NUCKS1: variants seen among roughly 807,000 people sequenced by gnomAD.
NUCKS1 encodes nuclear ubiquitous casein and cyclin-dependent kinase substrate 1.
In NUCKS1, 2 loss-of-function variants were observed where a neutral mutation model predicts 33.0. That is an observed-to-expected ratio of 0.06 (90% CI 0.02 to 0.19). The LOEUF is 0.19. Ranked by LOEUF, NUCKS1 falls within the 10% of genes least tolerant of loss-of-function variation. NUCKS1 has a pLI of 1.00. For missense variants in NUCKS1, 201 were observed against 293.6 expected (o/e 0.68, Z 2.31); for synonymous variants, 106 against 102.8 (o/e 1.03, Z -0.19).
At chr1:205,743,363 G>A (rs549616846) in intron 1 of NUCKS1, among the ~76,000 whole-genome samples, 94 of 152,302 alleles carry the variant, frequency 6.2e-4, no homozygotes, top group Non-Finnish European at 3.7e-4. Flanking sequence ...AAACCCAGAA[G>A]AGGCTGAAAT....
rs752476044 is a variant in NUCKS1, at chr1:205,717,496, CT to C, written c.*783del. 0.29 allele frequency: 235,797 copies of C among 821,114 alleles called. 30 individuals carry two copies. The highest frequency in any genetic ancestry group is 0.31 in the Non-Finnish European group (212,366 of 691,060). 50.9% of individuals were successfully genotyped at this position (821,114 alleles called of 1,614,324 possible). On this transcript the variant is annotated 3_prime_UTR_variant, in exon 7 of 7. Coordinates refer to ENST00000367142, the MANE Select transcript of NUCKS1 (RefSeq NM_022731.5). ...AAATCAAGAGTTTTGGCAGCCCCTGCTTTTTTTTTTTTTTTAGCTCCCTAAA... is the reference window on the plus strand; with the variant it reads ...AAATCAAGAGTTTTGGCAGCCCCTGCTTTTTTTTTTTTTTAGCTCCCTAAA...
chr1:205,746,970 C>T (rs1306418457), intron 1 of NUCKS1, among the ~76,000 whole-genome samples: 1 of 152,200 alleles, frequency 6.6e-6, no homozygotes, highest in Non-Finnish European at 1.5e-5. Context: ...TTCAAGAAAT[C>T]TGGTTTCTAG....
chr1:205,721,107 T>C (rs59957335), intron 4 of NUCKS1, among the ~76,000 whole-genome samples: 2,506 of 71,084 alleles, frequency 0.035, 55 homozygotes, highest in African/African-American at 0.089. Context: ...CTGGGGCCTG[T>C]GGCGAGGGAG....
chr1:205,731,460 A>C (rs955813105), intron 1 of NUCKS1: 6 of 152,202 alleles, frequency 3.9e-5, no homozygotes, highest in Non-Finnish European at 2.9e-5. Flanking sequence ...TCTAAATCTA[A>C]AAGTTTAATA....
intron 1 of NUCKS1, among the ~76,000 whole-genome samples, chr1:205,738,440 ATT>A (rs34617208): frequency 1.6e-4 from 22 of 140,734 alleles, no homozygotes; most frequent in Non-Finnish European, 9.2e-5. Context: ...TGCCCAGCTA[ATT>A]TTTTTTTTTT....
intron 1 of NUCKS1, among the ~76,000 whole-genome samples, chr1:205,732,312 A>G (rs189523965): frequency 6.6e-6 from 1 of 152,218 alleles, no homozygotes; most frequent in African/African-American, 2.4e-5. Context: ...TTCCATGTAC[A>G]TGAGGGACCT....
At chr1:205,726,973 T>G (rs551753086) in intron 3 of NUCKS1, among the ~76,000 whole-genome samples, 4 of 152,246 alleles carry the variant, frequency 2.6e-5, no homozygotes, top group East Asian at 3.9e-4. Flanking sequence ...TGTTGTTGTT[T>G]TTTTTTCCCA....
chr1:205,720,625 A>G lies in NUCKS1; in HGVS notation c.258T>C (p.His86=). ...AEDSEDEKED[H]KNVRQQRQAA... ...CCTGCCGTTGTTGGCGCACATTTTT[A>G]TGATCTTCTTTTTCATCTTCACTAT... The change falls in exon 5 of 7, where the codon CAT becomes CAC. Residue 86 remains histidine (H), a synonymous_variant. Coordinates refer to ENST00000367142, the MANE Select transcript of NUCKS1 (RefSeq NM_022731.5). The G allele has an allele frequency of 2.5e-6, 4 of 1,613,896 alleles. No individual in the cohort carries two copies. The highest frequency in any genetic ancestry group is 1.1e-5 in the South Asian group (1 of 91,048).
At position 205,712,864 on chromosome 1, in the gene NUCKS1, C is replaced by T. The variant is rs1004698964; in HGVS notation, c.*5416G>A. ...TCTTTTATTATATATGATTGTTAAA[C>T]TTTGCTTTCCACAACACTTCATAAC... is the stretch of plus-strand genomic sequence containing the variant. On this transcript the variant is annotated 3_prime_UTR_variant, in exon 7 of 7. Coordinates refer to ENST00000367142, the MANE Select transcript of NUCKS1 (RefSeq NM_022731.5). The T allele has an allele frequency of 6.6e-6, 1 of 152,132 alleles. No homozygotes were observed. Among genetic ancestry groups the T allele is most frequent in the African/African-American group, 2.4e-5 (1 of 41,438 alleles). 9.4% of individuals were successfully genotyped at this position (152,132 alleles called of 1,614,324 possible). A position where few individuals can be genotyped will look rare whatever the true frequency, so the allele number is the denominator to read the frequency against.
intron 1 of NUCKS1, among the ~76,000 whole-genome samples, chr1:205,739,147 C>G (rs1654104787): frequency 1.3e-5 from 2 of 152,194 alleles, no homozygotes; most frequent in East Asian, 1.9e-4. Context: ...AAACTATGCT[C>G]AAAAGGCCAA....
rs1671841263 is a variant in NUCKS1 at position 205,717,381 on chromosome 1, G to A, written c.*899C>T. On this transcript the variant is annotated 3_prime_UTR_variant, in exon 7 of 7. Coordinates refer to ENST00000367142, the MANE Select transcript of NUCKS1 (RefSeq NM_022731.5). Reference sequence around the variant, plus strand: ...CTGTGACCTGTAGACTGATCTTGTTGATTAAATTCTAGGGTTTTTTTTTTT... The same window carrying A: ...CTGTGACCTGTAGACTGATCTTGTTAATTAAATTCTAGGGTTTTTTTTTTT... 3.1e-6 allele frequency: 3 copies of A among 975,664 alleles called. No individual in the cohort carries two copies. Among genetic ancestry groups the A allele is most frequent in the Non-Finnish European group, 3.6e-6 (3 of 823,458 alleles). 60.4% of individuals were successfully genotyped at this position (975,664 alleles called of 1,614,324 possible). A position where few individuals can be genotyped will look rare whatever the true frequency, so the allele number is the denominator to read the frequency against.
chr1:205,744,629 A>AGTTTT (rs1558056734), intron 1 of NUCKS1, among the ~76,000 whole-genome samples: 2 of 18,420 alleles, frequency 1.1e-4, no homozygotes, highest in Non-Finnish European at 1.9e-4. Context: ...AGTTCACTAG[A>AGTTTT]GTTTTTTTTT....
At position 205,718,478 on chromosome 1, in the gene NUCKS1, C is replaced by A. The variant is rs1372323124; in HGVS notation, c.534G>T (p.Val178=). ...KMPKPRLKAT[V]TPSPVKGKGK... is the part of the protein sequence containing the mutation. ...CTTTGCCTTTCACTGGACTTGGCGT[C>A]ACTGAAAATAGAAAAATAATTTGGG... Residue 178 remains valine, a splice_region_variant and synonymous_variant, in exon 7 of 7, where the codon GTG becomes GTT. Transcript: ENST00000367142. 6.2e-7 allele frequency: 1 copy of A among 1,605,260 alleles called. No homozygotes were observed. Among genetic ancestry groups the A allele is most frequent in the South Asian group, 1.1e-5 (1 of 89,404 alleles).
At chr1:205,742,735 G>C (rs1452787704) in intron 1 of NUCKS1, among the ~76,000 whole-genome samples, 1 of 152,212 alleles carries the variant, frequency 6.6e-6, no homozygotes, top group Non-Finnish European at 1.5e-5. Flanking sequence ...TGAGGCGGGA[G>C]AATGGCGTGA....
At position 205,744,630 on chromosome 1, in the gene NUCKS1, G is replaced by GTTTTTTTTTTT. The variant is rs10672842; in HGVS notation, c.17+5316_17+5326dup. Among the ~76,000 whole-genome samples the GTTTTTTTTTTT allele has an allele frequency of 7.0e-3, 612 of 87,750 alleles. 62 individuals are homozygous for GTTTTTTTTTTT. The highest frequency in any genetic ancestry group is 0.028 in the East Asian group (69 of 2,440). 57.6% of individuals were successfully genotyped at this position (87,750 alleles called of 152,430 possible). ...TGTGAAAATTCCTAAGTTCACTAGA[G>GTTTTTTTTTTT]TTTTTTTTTTTTTTTTTTTGAGACG... On this transcript the variant is annotated intron_variant, in intron 1 of 6. Transcript: ENST00000367142.
Position 205,714,174 on chromosome 1 carries a change from C to T in NUCKS1, c.*4106G>A, listed in dbSNP as rs1173790408. 3 of 152,228 alleles carry T rather than the reference C, an allele frequency of 2.0e-5. No individual in the cohort carries two copies. The highest frequency in any genetic ancestry group is 1.9e-4 in the East Asian group (1 of 5,190). The allele number at this position is 152,228 out of a possible 1,614,324, so 9.4% of individuals were successfully genotyped here. ...AGATGTATACAAACACACACTCACA[C>T]GTACACACCCACACAATACTTCAGG... On this transcript the variant is annotated 3_prime_UTR_variant, in exon 7 of 7. Transcript: ENST00000367142.
rs762593780 is a variant in NUCKS1 at position 205,727,784 on chromosome 1, G to A, written c.89C>T (p.Ser30Leu). The change falls in exon 3 of 7, where the codon TCG becomes TTG. Residue 30 changes from serine (S) to leucine (L), a missense_variant. By Grantham distance (145) the Ser-to-Leu change is moderately radical (BLOSUM62 -2). Transcript: ENST00000367142. ...DDADEDYGRD[S>L]GPPTKKIRSS... ...TCGAATTTTCTTAGTGGGAGGGCCC[G>A]AATCTCTTCCATAATCTTCATCTAA... is the stretch of plus-strand genomic sequence containing the variant. 3.1e-6 allele frequency: 5 copies of A among 1,611,858 alleles called. No homozygotes were observed. The highest frequency in any genetic ancestry group is 4.5e-5 in the East Asian group (2 of 44,798).
At chr1:205,742,705 G>A (rs1416605795) in intron 1 of NUCKS1, among the ~76,000 whole-genome samples, 1 of 152,138 alleles carries the variant, frequency 6.6e-6, no homozygotes, top group Non-Finnish European at 1.5e-5. Flanking sequence ...GGCGCCTGTA[G>A]TCCCAGCTAC....
At chr1:205,718,597 T>C in intron 6 of NUCKS1, 118 bp from the exon 7 acceptor site, 1 of 1,440,134 alleles carries the variant, frequency 6.9e-7, no homozygotes, top group Non-Finnish European at 9.3e-7. Context: ...TGCAACTTAC[T>C]AAAAACCAAG....
Sources: allele counts gnomAD v4.1 joint callset (sites outside exome capture counted in the v4.1 genomes callset), GRCh38; gene constraint gnomAD v4.1.1; transcripts MANE v1.5; gene names NCBI Gene and HGNC (gene_info 2026-07-23, HGNC 2026-07-21).